The following MYRIP variants were observed in gnomAD, a reference collection of about 807,000 sequenced individuals.
The protein encoded by MYRIP is rab effector MyRIP.
MYRIP carries 49 observed loss-of-function variants against 98.0 expected under a neutral mutation model. That is an observed-to-expected ratio of 0.50 (90% confidence interval 0.40 to 0.63). MYRIP has a LOEUF of 0.63. Ranked by LOEUF, MYRIP falls within the 30% of genes least tolerant of loss-of-function variation. The pLI is 0.00. For synonymous variants in MYRIP, 404 were observed against 409.5 expected, an observed-to-expected ratio of 0.99 and a Z score of 0.16; for missense variants, 1,004 against 1,058.2, an observed-to-expected ratio of 0.95 and a Z score of 0.71.
intron 3 of MYRIP, among the ~76,000 whole-genome samples, chr3:40,103,867 A>T (rs1175573441): frequency 6.6e-6 from 1 of 152,242 alleles, no homozygotes; most frequent in Non-Finnish European, 1.5e-5. Context: ...GGCAAGAATT[A>T]TCTAGTAACC....
chr3:40,124,539 A>G (rs1055608700), intron 3 of MYRIP, among the ~76,000 whole-genome samples: 1 of 152,172 alleles, frequency 6.6e-6, no homozygotes. Flanking sequence ...CTGCCTCCCC[A>G]TGCACCTGTG....
intron 11 of MYRIP, among the ~76,000 whole-genome samples, chr3:40,227,121 G>C (rs1419930145): frequency 6.6e-6 from 1 of 152,166 alleles, no homozygotes; most frequent in African/African-American, 2.4e-5. Flanking sequence ...GCTCTCTGAG[G>C]GTAGGGACCA....
intron 2 of MYRIP, among the ~76,000 whole-genome samples, chr3:40,028,310 A>C (rs1236729111): frequency 6.6e-6 from 1 of 152,192 alleles, no homozygotes; most frequent in African/African-American, 2.4e-5. Context: ...AAGCATGTTC[A>C]ACATCTTTAG....
chr3:39,816,420 A>G (rs1159779455), intron 1 of MYRIP, among the ~76,000 whole-genome samples: 1 of 152,164 alleles, frequency 6.6e-6, no homozygotes, highest in Non-Finnish European at 1.5e-5. Context: ...ACCTATCCTG[A>G]GAGTAAACTC....
intron 2 of MYRIP, among the ~76,000 whole-genome samples, chr3:40,001,841 G>T (rs1011515998): frequency 6.6e-6 from 1 of 152,162 alleles, no homozygotes; most frequent in Admixed American, 6.5e-5. Context: ...CAATGGGGAG[G>T]AACAGGCAGA....
intron 3 of MYRIP, among the ~76,000 whole-genome samples, chr3:40,119,529 G>A (rs1949353775): frequency 6.6e-6 from 1 of 151,902 alleles, no homozygotes; most frequent in Non-Finnish European, 1.5e-5. Context: ...GAGGTGTGGT[G>A]AACACAGGTG....
intron 11 of MYRIP, among the ~76,000 whole-genome samples, chr3:40,222,318 G>A (rs1952359999): frequency 6.6e-6 from 1 of 152,176 alleles, no homozygotes. Context: ...ATGAAAAGGG[G>A]TGGTAACCTC....
chr3:39,979,026 A>G (rs1193431998), intron 2 of MYRIP, among the ~76,000 whole-genome samples: 1 of 152,212 alleles, frequency 6.6e-6, no homozygotes, highest in African/African-American at 2.4e-5. Flanking sequence ...TGATAGCTTC[A>G]TTGTACATTA....
chr3:40,077,174 T>C (rs1948362533), intron 3 of MYRIP, among the ~76,000 whole-genome samples: 1 of 151,974 alleles, frequency 6.6e-6, no homozygotes, highest in African/African-American at 2.4e-5. Flanking sequence ...ACCTTCGCGG[T>C]GAGTGTTACA....
At chr3:40,150,677 T>C (rs192117933) in intron 3 of MYRIP, among the ~76,000 whole-genome samples, 2 of 152,342 alleles carry the variant, frequency 1.3e-5, no homozygotes, top group Non-Finnish European at 1.5e-5. Flanking sequence ...CTAAGTTCAC[T>C]CATGTGTCTC....
At chr3:40,165,644 A>G (rs964464739) in intron 5 of MYRIP, among the ~76,000 whole-genome samples, 4 of 152,116 alleles carry the variant, frequency 2.6e-5, no homozygotes, top group Non-Finnish European at 4.4e-5. Context: ...CACAAGTAAG[A>G]AGCTAAAATC....
At chr3:39,951,304 A>G (rs1377201720) in intron 2 of MYRIP, among the ~76,000 whole-genome samples, 2 of 152,112 alleles carry the variant, frequency 1.3e-5, no homozygotes, top group Non-Finnish European at 2.9e-5. Context: ...TTAACAAACT[A>G]CACTGTCCCA....
intron 2 of MYRIP, among the ~76,000 whole-genome samples, chr3:40,004,803 C>T (rs936083744): frequency 1.3e-5 from 2 of 152,018 alleles, no homozygotes; most frequent in Middle Eastern, 6.8e-3. Flanking sequence ...CTGTGAATGC[C>T]GTTTCCAAGA....
chr3:39,977,380 A>G (rs1945784181), intron 2 of MYRIP, among the ~76,000 whole-genome samples: 1 of 152,228 alleles, frequency 6.6e-6, no homozygotes, highest in African/African-American at 2.4e-5. Context: ...GAAACTGACA[A>G]GAAATTCACA....
Position 39,829,586 on chromosome 3 carries a change from T to C in MYRIP, c.-31+19670T>C, listed in dbSNP as rs189523336. Among the ~76,000 whole-genome samples, 149 of 152,144 alleles carry C rather than the reference T, an allele frequency of 9.8e-4. 1 individual carries two copies. Among genetic ancestry groups the C allele is most frequent in the African/African-American group, 3.4e-3 (140 of 41,490 alleles). ...GCTGCTGGAAGTGGGCTTGCTGGGG[T>C]GTTTCTAAGGAGAGCTTGCATGCAC... On this transcript the variant is annotated intron_variant, in intron 1 of 16. Transcript: ENST00000302541.
intron 3 of MYRIP, among the ~76,000 whole-genome samples, chr3:40,123,726 G>C (rs547849364): frequency 6.6e-6 from 1 of 152,200 alleles, no homozygotes; most frequent in South Asian, 2.1e-4. Flanking sequence ...TTGTCTGCTT[G>C]TCTGTGTGTG....
At position 39,954,483 on chromosome 3, in the gene MYRIP, G is replaced by A. The variant is rs562018894; in HGVS notation, c.110+53557G>A. On this transcript the variant is annotated intron_variant, in intron 2 of 16. Coordinates refer to ENST00000302541, the MANE Select transcript of MYRIP (RefSeq NM_015460.4). Reference sequence around the variant, plus strand: ...ACTGTTAGAAGGAAAACTAACAAACGGAAAGGACATCCACACCAAAACCCC... The same window carrying A: ...ACTGTTAGAAGGAAAACTAACAAACAGAAAGGACATCCACACCAAAACCCC... 1.6e-4 allele frequency among the ~76,000 whole-genome samples: 24 copies of A among 152,042 alleles called. 3 individuals carry two copies. The highest frequency in any genetic ancestry group is 5.8e-4 in the African/African-American group (24 of 41,514).
chr3:40,026,234 G>A (rs563770773), intron 2 of MYRIP, among the ~76,000 whole-genome samples: 2 of 152,222 alleles, frequency 1.3e-5, no homozygotes, highest in South Asian at 2.1e-4. Flanking sequence ...TTGCACGTCT[G>A]TTTGTAGGCT....
chr3:39,976,050 G>C (rs1321879255), intron 2 of MYRIP, among the ~76,000 whole-genome samples: 1 of 152,132 alleles, frequency 6.6e-6, no homozygotes, highest in Non-Finnish European at 1.5e-5. Context: ...TTGACAAATG[G>C]GTTCTAATTA....
Sources: gnomAD v4.1 joint callset for allele counts (sites outside exome capture counted in the v4.1 genomes callset) on GRCh38, gnomAD v4.1.1 for gene constraint, MANE v1.5 for transcripts, NCBI Gene and HGNC (gene_info 2026-07-23, HGNC 2026-07-21) for gene names.